ADD2: variants seen among roughly 807,000 people sequenced by gnomAD.
ADD2 encodes beta-adducin.
Under a neutral mutation model 83.0 loss-of-function variants are expected in ADD2, and 23 were observed. The ratio of observed to expected loss-of-function variants is 0.28; its 90% CI spans 0.20 to 0.39. The LOEUF (loss-of-function observed/expected upper bound fraction) is 0.39. ADD2 is among the 10% of genes least tolerant of loss of function. The pLI is 1.00. For missense variants in ADD2, 758 were observed against 944.9 expected (o/e 0.80, Z 2.59); for synonymous variants, 375 against 375.4 (o/e 1.00, Z 0.01).
At chr2:70,735,033 GA>G (rs1201610688) in intron 1 of ADD2, among the ~76,000 whole-genome samples, 30 of 151,964 alleles carry the variant, frequency 2.0e-4, no homozygotes, top group African/African-American at 3.9e-4. Context: ...TAATTATGAG[GA>G]AAAAAAATGT....
chr2:70,713,456 C>T (rs1265344472), intron 1 of ADD2, among the ~76,000 whole-genome samples: 4 of 152,044 alleles, frequency 2.6e-5, no homozygotes, highest in African/African-American at 9.7e-5. Flanking sequence ...ACTAAAAATA[C>T]AAAAATTAGC....
At chr2:70,739,531 T>G (rs7355252) in intron 1 of ADD2, among the ~76,000 whole-genome samples, 58,932 of 152,088 alleles carry the variant, frequency 0.39, 11,884 homozygotes, top group African/African-American at 0.51. Context: ...CTTATTACTG[T>G]TATGTACCCA....
At chr2:70,732,345 C>G (rs1186886113) in intron 1 of ADD2, among the ~76,000 whole-genome samples, 2 of 152,174 alleles carry the variant, frequency 1.3e-5, no homozygotes, top group South Asian at 4.1e-4. Context: ...GCTGAGCTTA[C>G]AGTAAGTCCA....
chr2:70,674,909 G>A lies in ADD2; in HGVS notation c.1594-84C>T. ...CCCAGCTTCCTTTTAGATTCATGTG[G>A]CTGCAAGCGGTCTTGCTAGGGACAG... On this transcript the variant is annotated intron_variant, in intron 13 of 15. Coordinates refer to ENST00000264436, the MANE Select transcript of ADD2 (RefSeq NM_001617.4). 5.2e-6 allele frequency: 8 copies of A among 1,530,388 alleles called. No individual in the cohort carries two copies. In the East Asian group the frequency reaches 1.4e-4, roughly 26 times the overall value. 94.8% of individuals were successfully genotyped at this position (1,530,388 alleles called of 1,614,324 possible).
chr2:70,669,505 T>A (rs782280517), intron 15 of ADD2, among the ~76,000 whole-genome samples: 1 of 152,232 alleles, frequency 6.6e-6, no homozygotes, highest in African/African-American at 2.4e-5. Context: ...CATAAATGGA[T>A]GCAGTGGACT....
intron 4 of ADD2, among the ~76,000 whole-genome samples, chr2:70,698,994 G>A (rs1331035180): frequency 2.0e-5 from 3 of 152,092 alleles, no homozygotes; most frequent in South Asian, 2.1e-4. Flanking sequence ...TCCCCTCTCC[G>A]CATCCCTGAC....
At chr2:70,689,352 G>A (rs930765040) in intron 8 of ADD2, among the ~76,000 whole-genome samples, 2 of 152,210 alleles carry the variant, frequency 1.3e-5, no homozygotes, top group African/African-American at 4.8e-5. Context: ...TGGGAGCTGG[G>A]ACACAGATCC....
In ADD2 at chr2:70,717,403, C is replaced by G. The variant is rs75228146; in HGVS notation, c.-153-4219G>C. On this transcript the variant is annotated intron_variant, in intron 1 of 15. Transcript: ENST00000264436. ...GACTTTTTGTTAAAATCGGCTTAAG[C>G]TTCATGTGCCCTAAGCAGAGGCAGG... Among the ~76,000 whole-genome samples the G allele has an allele frequency of 3.0e-3, 453 of 152,256 alleles. 1 individual carries two copies. The highest frequency in any genetic ancestry group is 9.6e-3 in the African/African-American group (400 of 41,548).
intron 1 of ADD2, among the ~76,000 whole-genome samples, chr2:70,749,013 T>C (rs1281864522): frequency 1.3e-5 from 2 of 152,198 alleles, no homozygotes; most frequent in Non-Finnish European, 2.9e-5. Context: ...CGTTCTCATG[T>C]TGCTATGAAG....
At chr2:70,724,109 C>G (rs1278934275) in intron 1 of ADD2, among the ~76,000 whole-genome samples, 1 of 152,224 alleles carries the variant, frequency 6.6e-6, no homozygotes, top group Non-Finnish European at 1.5e-5. Context: ...GCCTTAAAAG[C>G]TGTCTTGTGG....
At chr2:70,728,690 C>T (rs1329205041) in intron 1 of ADD2, among the ~76,000 whole-genome samples, 2 of 152,234 alleles carry the variant, frequency 1.3e-5, no homozygotes, top group Non-Finnish European at 2.9e-5. Flanking sequence ...TAACCATCCC[C>T]GCTCATGGGA....
At chr2:70,702,875 C>T (rs1553373681) in intron 4 of ADD2, among the ~76,000 whole-genome samples, 3 of 152,238 alleles carry the variant, frequency 2.0e-5, no homozygotes, top group Admixed American at 6.5e-5. Context: ...GTCTGTAATG[C>T]TAACACTTTG....
intron 1 of ADD2, among the ~76,000 whole-genome samples, chr2:70,733,348 C>T (rs1365807719): frequency 2.6e-5 from 4 of 152,208 alleles, no homozygotes; most frequent in African/African-American, 9.6e-5. Flanking sequence ...ATGCCACTAT[C>T]AGGATGTGCT....
intron 15 of ADD2, among the ~76,000 whole-genome samples, chr2:70,668,476 G>A (rs1553366540): frequency 6.6e-6 from 1 of 152,220 alleles, no homozygotes; most frequent in African/African-American, 2.4e-5. Flanking sequence ...ACACTTGCAT[G>A]TGTCATTTAT....
rs56727401 is a variant in ADD2, at chr2:70,687,593, AAAACAAACAAAC to A, written c.948+419_948+430del. Among the ~76,000 whole-genome samples, 982 of 149,496 alleles carry A rather than the reference AAAACAAACAAAC, an allele frequency of 6.6e-3. 7 individuals are homozygous for A. Among genetic ancestry groups the A allele is most frequent in the African/African-American group, 0.017 (705 of 40,612 alleles). On this transcript the variant is annotated intron_variant, in intron 9 of 15. Transcript: ENST00000264436. ...CTTTGCAAACCAACCCCCTCCCCTC[AAAACAAACAAAC>A]AAACAAACAAACAAACAAACAAACA...
chr2:70,680,773 A>G (rs1670415240), intron 10 of ADD2, among the ~76,000 whole-genome samples: 1 of 152,208 alleles, frequency 6.6e-6, no homozygotes, highest in Admixed American at 6.5e-5. Context: ...TCCCATTATT[A>G]TATTTTCAAA....
At chr2:70,722,092 C>T (rs1402965162) in intron 1 of ADD2, among the ~76,000 whole-genome samples, 2 of 152,178 alleles carry the variant, frequency 1.3e-5, no homozygotes, top group Non-Finnish European at 2.9e-5. Flanking sequence ...AGGACATCTC[C>T]TGCTTAAAGG....
chr2:70,675,487 G>A, intron 13 of ADD2: 1 of 985,406 alleles, frequency 1.0e-6, no homozygotes, highest in Non-Finnish European at 1.2e-6. Flanking sequence ...TGGTTCTAGG[G>A]AGCTGACCAG....
At chr2:70,720,429 G>A (rs2104435818) in intron 1 of ADD2, among the ~76,000 whole-genome samples, 1 of 152,276 alleles carries the variant, frequency 6.6e-6, no homozygotes, top group East Asian at 1.9e-4. Context: ...ATGATAGGGT[G>A]TTAAGAACAG....
Sources: gnomAD v4.1 joint callset for allele counts (sites outside exome capture counted in the v4.1 genomes callset) on GRCh38, gnomAD v4.1.1 for gene constraint, MANE v1.5 for transcripts, NCBI Gene and HGNC (gene_info 2026-07-23, HGNC 2026-07-21) for gene names.